The following IGSF11 variants were observed in gnomAD, a reference collection of about 807,000 sequenced individuals.
IGSF11 encodes CXADR like 1.
In IGSF11, 22 loss-of-function variants were observed where a neutral mutation model predicts 41.0. The ratio of observed to expected loss-of-function variants is 0.54; its 90% CI spans 0.38 to 0.77. IGSF11 has a LOEUF of 0.77. Ranked by LOEUF, IGSF11 falls within the 30% of genes least tolerant of loss-of-function variation. The pLI is 0.00. For missense variants in IGSF11, 444 were observed against 530.8 expected (o/e 0.84, Z 1.61); for synonymous variants, 219 against 201.3 (o/e 1.09, Z -0.74).
chr3:118,954,020 T>A (rs1201320839), intron 1 of IGSF11, among the ~76,000 whole-genome samples: 1 of 152,182 alleles, frequency 6.6e-6, no homozygotes, highest in Non-Finnish European at 1.5e-5. Context: ...TCTTCTAGAA[T>A]TTTTATGGTT....
chr3:119,071,668 A>G (rs1214098001), intron 1 of IGSF11, among the ~76,000 whole-genome samples: 2 of 152,178 alleles, frequency 1.3e-5, no homozygotes, highest in East Asian at 1.9e-4. Context: ...GGACTTCTCA[A>G]TTATATTCCA....
intron 1 of IGSF11, among the ~76,000 whole-genome samples, chr3:119,019,782 G>A (rs146392924): frequency 9.3e-4 from 142 of 152,260 alleles, no homozygotes; most frequent in African/African-American, 3.3e-3. Flanking sequence ...ACAGTGGTGG[G>A]TGTGTGCAGG....
intron 1 of IGSF11, among the ~76,000 whole-genome samples, chr3:119,016,323 A>G (rs1378999677): frequency 1.3e-5 from 2 of 152,224 alleles, no homozygotes; most frequent in Non-Finnish European, 1.5e-5. Flanking sequence ...CTGCCCAGAA[A>G]TATGTCGATT....
chr3:118,941,248 A>G (rs999868354), intron 1 of IGSF11, among the ~76,000 whole-genome samples: 1 of 152,152 alleles, frequency 6.6e-6, no homozygotes, highest in African/African-American at 2.4e-5. Context: ...AAGTTCTTGT[A>G]TTTATAATAT....
intron 1 of IGSF11, among the ~76,000 whole-genome samples, chr3:118,987,589 CAG>C (rs1172174318): frequency 6.6e-6 from 1 of 152,156 alleles, no homozygotes; most frequent in Non-Finnish European, 1.5e-5. Flanking sequence ...GCTCATCACT[CAG>C]AGAGTTAAAA....
intron 1 of IGSF11, among the ~76,000 whole-genome samples, chr3:118,958,361 T>C (rs1459458712): frequency 6.6e-6 from 1 of 152,228 alleles, no homozygotes; most frequent in African/African-American, 2.4e-5. Context: ...CCACCATTTA[T>C]GCTTTAAAGT....
At chr3:118,964,825 T>C (rs1309873490) in intron 1 of IGSF11, among the ~76,000 whole-genome samples, 1 of 152,228 alleles carries the variant, frequency 6.6e-6, no homozygotes, top group African/African-American at 2.4e-5. Context: ...GCAGTATTTA[T>C]TTTGTCTTCA....
At chr3:119,129,514 C>G (rs1488440308) in intron 1 of IGSF11, among the ~76,000 whole-genome samples, 2 of 151,764 alleles carry the variant, frequency 1.3e-5, no homozygotes, top group Non-Finnish European at 2.9e-5. Context: ...TAAATAGAAA[C>G]AACAAAAAGT....
chr3:119,042,749 G>A (rs547301300), intron 1 of IGSF11, among the ~76,000 whole-genome samples: 23 of 152,224 alleles, frequency 1.5e-4, no homozygotes, highest in Middle Eastern at 6.8e-3. Context: ...CATCACCTGA[G>A]AAACCTAAGT....
In IGSF11 at chr3:119,073,549, C is replaced by T. The variant is rs372560499; in HGVS notation, c.49+31595G>A. 1.2e-4 allele frequency among the ~76,000 whole-genome samples: 18 copies of T among 152,294 alleles called. 1 individual carries two copies. In the East Asian group the frequency reaches 2.7e-3, roughly 23 times the overall value. On this transcript the variant is annotated intron_variant, in intron 1 of 6. Transcript: ENST00000354673. ...GCTGCAGGTCCCGATCCCTGCCCTG[C>T]GGGAAGGCAGCTGAGGCCCGGTGAA...
intron 1 of IGSF11, among the ~76,000 whole-genome samples, chr3:119,031,563 T>C (rs1386694770): frequency 6.6e-6 from 1 of 152,212 alleles, no homozygotes; most frequent in Admixed American, 6.5e-5. Context: ...CCAAAACAAG[T>C]ACTTTTACCC....
At chr3:119,003,581 A>G (rs1287969193) in intron 1 of IGSF11, among the ~76,000 whole-genome samples, 1 of 151,224 alleles carries the variant, frequency 6.6e-6, no homozygotes, top group Non-Finnish European at 1.5e-5. Flanking sequence ...CCCATTCAGT[A>G]TGATATTGGC....
At chr3:119,062,544 A>G (rs903794963) in intron 1 of IGSF11, among the ~76,000 whole-genome samples, 7 of 152,220 alleles carry the variant, frequency 4.6e-5, no homozygotes, top group African/African-American at 1.2e-4. Context: ...ATACATAGTC[A>G]TATTATTGCG....
chr3:119,023,110 A>C (rs757117711), intron 1 of IGSF11, among the ~76,000 whole-genome samples: 44 of 152,096 alleles, frequency 2.9e-4, no homozygotes, highest in Non-Finnish European at 5.0e-4. Context: ...AAAAATACAT[A>C]AATCAGCCAG....
At chr3:118,955,425 A>G (rs568762323) in intron 1 of IGSF11, among the ~76,000 whole-genome samples, 7 of 151,890 alleles carry the variant, frequency 4.6e-5, no homozygotes, top group Non-Finnish European at 8.8e-5. Flanking sequence ...TGTGAGGGTT[A>G]TCATCTATAA....
intron 1 of IGSF11, among the ~76,000 whole-genome samples, chr3:119,120,308 G>A (rs2077315007): frequency 6.6e-6 from 1 of 152,190 alleles, no homozygotes; most frequent in Non-Finnish European, 1.5e-5. Flanking sequence ...GCAAAGAACT[G>A]TGGCCATACA....
At position 118,926,100 on chromosome 3, in the gene IGSF11, C is replaced by A; in HGVS notation, c.580+1G>T. On this transcript the variant is annotated splice_donor_variant, in intron 4 of 6. Coordinates refer to ENST00000393775, the MANE Select transcript of IGSF11 (RefSeq NM_001015887.3). LOFTEE classifies it high-confidence loss of function. ...AATGGGTAAAGCAGCACTGTACATA[C>A]CCTGAGTAGCTGTTGGAGGTAGTTT... 6.2e-7 allele frequency: 1 copy of A among 1,601,260 alleles called. No homozygotes were observed. The highest frequency in any genetic ancestry group is 8.5e-7 in the Non-Finnish European group (1 of 1,172,346).
intron 1 of IGSF11, among the ~76,000 whole-genome samples, chr3:119,001,499 T>C (rs1936850534): frequency 1.3e-5 from 2 of 149,314 alleles, no homozygotes; most frequent in South Asian, 4.2e-4. Flanking sequence ...ACTTTAAGTT[T>C]TAGGGTACAT....
intron 1 of IGSF11, among the ~76,000 whole-genome samples, chr3:118,967,977 AAG>A (rs142007678): frequency 1.8e-4 from 27 of 150,536 alleles, no homozygotes; most frequent in South Asian, 2.1e-4. Flanking sequence ...TCCAGTAGGA[AAG>A]AGAGAGAGAG....
Sources: allele counts gnomAD v4.1 joint callset (sites outside exome capture counted in the v4.1 genomes callset), GRCh38; gene constraint gnomAD v4.1.1; transcripts MANE v1.5; gene names NCBI Gene and HGNC (gene_info 2026-07-23, HGNC 2026-07-21).